The following CDK6 variants were observed in gnomAD, a reference collection of about 807,000 sequenced individuals.
The protein encoded by CDK6 is cyclin-dependent kinase 6.
Under a neutral mutation model 37.1 loss-of-function variants are expected in CDK6, and 6 were observed. The ratio of observed to expected loss-of-function variants is 0.16; its 90% CI spans 0.09 to 0.32. The LOEUF is 0.32. Among genes scored for constraint, CDK6 ranks in the 10% least tolerant of loss-of-function variants. CDK6 has a pLI of 1.00. For synonymous variants in CDK6, 160 were observed against 161.3 expected (o/e 0.99, Z 0.06); for missense variants, 224 against 418.9 (o/e 0.53, Z 4.06).
At chr7:92,754,167 A>G (rs1041445657) in intron 3 of CDK6, among the ~76,000 whole-genome samples, 2 of 152,164 alleles carry the variant, frequency 1.3e-5, no homozygotes, top group African/African-American at 4.8e-5. Flanking sequence ...GGTTGCTTCT[A>G]TCCCTCACTT....
intron 4 of CDK6, among the ~76,000 whole-genome samples, chr7:92,690,886 A>G (rs2116641482): frequency 6.6e-6 from 1 of 152,330 alleles, no homozygotes. Context: ...CCATTATGGG[A>G]GTCAATTACC....
chr7:92,773,548 G>A (rs1052251304), intron 3 of CDK6, among the ~76,000 whole-genome samples: 3 of 152,188 alleles, frequency 2.0e-5, no homozygotes, highest in African/African-American at 4.8e-5. Context: ...AATGCCAGAG[G>A]AAAGAGGGGT....
chr7:92,801,344 G>T (rs563292411), intron 2 of CDK6, among the ~76,000 whole-genome samples: 1 of 152,204 alleles, frequency 6.6e-6, no homozygotes, highest in East Asian at 1.9e-4. Context: ...TCTAAGAAAT[G>T]AACTGGAAAA....
At chr7:92,744,424 T>C (rs945571363) in intron 3 of CDK6, among the ~76,000 whole-genome samples, 5 of 152,184 alleles carry the variant, frequency 3.3e-5, no homozygotes, top group African/African-American at 1.2e-4. Context: ...GCCCCCATGA[T>C]TCACTTAACT....
rs1610912 is a variant in CDK6, at chr7:92,615,316, TATACA to T, written c.835-35_835-31del. ...AATAAAGAAAAAAATAATTGGTTGATATACAATACATCAATGTAAATAATGTACTT... is the reference window on the plus strand; with the variant it reads ...AATAAAGAAAAAAATAATTGGTTGATATACATCAATGTAAATAATGTACTT... On this transcript the variant is annotated intron_variant, in intron 7 of 7. Transcript: ENST00000424848. The T allele has an allele frequency of 0.21, 325,855 of 1,525,002 alleles. 38,355 individuals carry two copies. The highest frequency in any genetic ancestry group is 0.24 in the Non-Finnish European group (264,924 of 1,099,786). The allele number at this position is 1,525,002 out of a possible 1,614,324, so 94.5% of individuals were successfully genotyped here.
chr7:92,646,556 T>C (rs1273944099), intron 5 of CDK6, among the ~76,000 whole-genome samples: 1 of 151,870 alleles, frequency 6.6e-6, no homozygotes, highest in African/African-American at 2.4e-5. Context: ...TGCCATCACA[T>C]CTGGCAAATT....
intron 4 of CDK6, among the ~76,000 whole-genome samples, chr7:92,675,489 C>A (rs760709153): frequency 6.6e-6 from 1 of 152,126 alleles, no homozygotes; most frequent in African/African-American, 2.4e-5. Context: ...GTGTATTATT[C>A]TTTTAAGACA....
intron 4 of CDK6, among the ~76,000 whole-genome samples, chr7:92,672,505 C>T (rs891145214): frequency 4.0e-5 from 6 of 151,526 alleles, no homozygotes; most frequent in Non-Finnish European, 7.4e-5. Context: ...TACAGAGCAG[C>T]GTATAGTAAT....
chr7:92,680,830 C>A (rs1417078715), intron 4 of CDK6, among the ~76,000 whole-genome samples: 1 of 152,178 alleles, frequency 6.6e-6, no homozygotes, highest in Non-Finnish European at 1.5e-5. Flanking sequence ...ATCTTTCAAG[C>A]CTCACTCACA....
intron 2 of CDK6, among the ~76,000 whole-genome samples, chr7:92,778,675 T>A (rs1228662900): frequency 6.6e-5 from 10 of 152,060 alleles, no homozygotes; most frequent in Admixed American, 6.5e-4. Context: ...CAACTTTCTT[T>A]ATATCTGTTG....
At chr7:92,709,257 T>C (rs1225026348) in intron 4 of CDK6, among the ~76,000 whole-genome samples, 1 of 151,834 alleles carries the variant, frequency 6.6e-6, no homozygotes, top group Non-Finnish European at 1.5e-5. Context: ...GTAAAAAAGG[T>C]TTTAAAGCAC....
At chr7:92,651,151 A>G (rs1796564825) in intron 5 of CDK6, among the ~76,000 whole-genome samples, 1 of 152,132 alleles carries the variant, frequency 6.6e-6, no homozygotes, top group Non-Finnish European at 1.5e-5. Context: ...CGGCCTCCCA[A>G]AGTGTTGGGA....
intron 5 of CDK6, among the ~76,000 whole-genome samples, chr7:92,639,379 T>C (rs193016165): frequency 2.3e-3 from 347 of 152,330 alleles, no homozygotes; most frequent in South Asian, 0.014. Context: ...TTCTTTTGCA[T>C]ATTAGTGGTC....
At chr7:92,727,346 G>A (rs1390039180) in intron 3 of CDK6, among the ~76,000 whole-genome samples, 2 of 152,106 alleles carry the variant, frequency 1.3e-5, no homozygotes, top group African/African-American at 4.8e-5. Context: ...TTTGGTTACT[G>A]GTTTATGGTT....
rs1156700542 is a variant in CDK6 at position 92,608,829 on chromosome 7, C to CG, written c.*6310dup. On this transcript the variant is annotated 3_prime_UTR_variant, in exon 8 of 8. Transcript: ENST00000424848. ...CAGGCACCGGCAGGTGAGTGGGAGG[C>CG]GGGGCCCCAGCCCGGCCTCGCCCAC... is the stretch of plus-strand genomic sequence containing the variant. 21 of 231,940 alleles carry CG rather than the reference C, an allele frequency of 9.1e-5. No homozygotes were observed. In the East Asian group the frequency reaches 1.3e-3, roughly 14 times the overall value. 14.4% of individuals were successfully genotyped at this position (231,940 alleles called of 1,614,324 possible). A position where few individuals can be genotyped will look rare whatever the true frequency, so the allele number is the denominator to read the frequency against.
rs535061215 is a variant in CDK6, at chr7:92,609,149, A to T, written c.*5991T>A. On this transcript the variant is annotated 3_prime_UTR_variant, in exon 8 of 8. Transcript: ENST00000424848. The stretch of plus-strand genomic sequence containing the variant: ...TCATCTGCTTGCCACTCAGGAGGAA[A>T]GTTGGGCAGGCACCGTCGAGTGTCT... The T allele has an allele frequency of 4.3e-6, 1 of 232,868 alleles. No individual in the cohort carries two copies. The highest frequency in any genetic ancestry group is 8.5e-6 in the Non-Finnish European group (1 of 117,902). The allele number at this position is 232,868 out of a possible 1,614,324, so 14.4% of individuals were successfully genotyped here.
intron 4 of CDK6, among the ~76,000 whole-genome samples, chr7:92,689,836 A>AGATAATATCTCTTGTGG (rs1303343403): frequency 6.6e-6 from 1 of 152,116 alleles, no homozygotes; most frequent in Non-Finnish European, 1.5e-5. Context: ...TGATGGTGTG[A>AGATAATATCTCTTGTGG]GATAATATCT....
At chr7:92,617,015 T>C (rs1217018642) in intron 7 of CDK6, among the ~76,000 whole-genome samples, 2 of 152,254 alleles carry the variant, frequency 1.3e-5, no homozygotes, top group Non-Finnish European at 2.9e-5. Flanking sequence ...GAAAATTTAG[T>C]TTAATTGCCA....
At chr7:92,634,868 T>C (rs1441390884) in intron 5 of CDK6, among the ~76,000 whole-genome samples, 1 of 152,136 alleles carries the variant, frequency 6.6e-6, no homozygotes, top group Non-Finnish European at 1.5e-5. Flanking sequence ...CTGACTGTTC[T>C]CCTAAGTGAT....
Sources: allele counts gnomAD v4.1 joint callset (sites outside exome capture counted in the v4.1 genomes callset), GRCh38; gene constraint gnomAD v4.1.1; transcripts MANE v1.5; gene names NCBI Gene and HGNC (gene_info 2026-07-23, HGNC 2026-07-21).